Variants in GIMAP4 observed in about 807,000 individuals in gnomAD.
The protein encoded by GIMAP4 is GTPase IMAP family member 4.
Under a neutral mutation model 10.8 loss-of-function variants are expected in GIMAP4, and 12 were observed. The observed-to-expected ratio is 1.11, with a 90% CI of 0.71 to 1.81. The LOEUF (loss-of-function observed/expected upper bound fraction) is 1.81, where lower values mean the gene tolerates loss of function less well. Among genes scored for constraint, GIMAP4 ranks in the 40% most tolerant of loss-of-function variants. GIMAP4 has a pLI of 0.00. For synonymous variants in GIMAP4, 149 were observed against 147.2 expected, an observed-to-expected ratio of 1.01 and a Z score of -0.09; for missense variants, 412 against 404.6, an observed-to-expected ratio of 1.02 and a Z score of -0.16.
chr7:150,569,297 T>G (rs73727328), intron 1 of GIMAP4, among the ~76,000 whole-genome samples: 191 of 152,168 alleles, frequency 1.3e-3, no homozygotes, highest in African/African-American at 4.3e-3. Flanking sequence ...GAGAAATGGG[T>G]AATTTCGAGT....
At position 150,572,467 on chromosome 7, in the gene GIMAP4, G is replaced by T. The variant is rs1319210569; in HGVS notation, c.397G>T (p.Ala133Ser). Residue 133 changes from alanine (A) to serine (S), a missense_variant, in exon 3 of 3, where the codon GCC (alanine) becomes TCC (serine). Physicochemically the swap from Ala to Ser is moderately conservative, Grantham distance 99 (BLOSUM62 1). Transcript: ENST00000255945. Reference protein sequence around the residue: ...LGRYTEEEHKATEKILKMFGE... With the variant: ...LGRYTEEEHKSTEKILKMFGE... ...CCGTTACACTGAGGAAGAGCACAAA[G>T]CCACAGAGAAGATCCTGAAAATGTT... 6.2e-7 allele frequency: 1 copy of T among 1,614,122 alleles called. No homozygotes were observed. Among genetic ancestry groups the T allele is most frequent in the Non-Finnish European group, 8.5e-7 (1 of 1,179,976 alleles).
At chr7:150,567,701 G>T (rs1285494427) in intron 1 of GIMAP4, among the ~76,000 whole-genome samples, 1 of 152,248 alleles carries the variant, frequency 6.6e-6, no homozygotes, top group South Asian at 2.1e-4. Context: ...AATTTATATA[G>T]AAACTTTGAT....
intron 1 of GIMAP4, among the ~76,000 whole-genome samples, chr7:150,568,777 G>A (rs935576811): frequency 6.6e-6 from 1 of 152,148 alleles, no homozygotes; most frequent in Non-Finnish European, 1.5e-5. Context: ...TAGTATAAGA[G>A]GAGACAGTAA....
At chr7:150,570,846 T>G (rs1020623874) in intron 2 of GIMAP4, among the ~76,000 whole-genome samples, 1 of 152,196 alleles carries the variant, frequency 6.6e-6, no homozygotes, top group Non-Finnish European at 1.5e-5. Flanking sequence ...GCATAAGCAC[T>G]TTTGGAGTCT....
At chr7:150,568,351 A>ATTCT (rs3059446) in intron 1 of GIMAP4, among the ~76,000 whole-genome samples, 73,870 of 151,776 alleles carry the variant, frequency 0.49, 20,290 homozygotes, top group African/African-American at 0.76. Context: ...AGAAATAGTC[A>ATTCT]TTCAAAAGAA....
At position 150,573,038 on chromosome 7, in the gene GIMAP4, T is replaced by C. The variant is rs1336418911; in HGVS notation, c.968T>C (p.Leu323Ser). Residue 323 changes from leucine (L) to serine (S), a missense_variant, in exon 3 of 3, where the codon TTA (leucine) becomes TCA (serine). By Grantham distance (145) the Leu-to-Ser change is moderately radical (BLOSUM62 -2). Transcript: ENST00000255945. ...TTACAGATTGCTTCCTTTATTTTGT[T>C]ACGTCTGTTCGCGGAAGATTAAACT... is the stretch of plus-strand genomic sequence containing the variant. ...TALQIASFIL[L>S]RLFAED 6.3e-7 allele frequency: 1 copy of C among 1,599,394 alleles called. No homozygotes were observed. The highest frequency in any genetic ancestry group is 8.5e-7 in the Non-Finnish European group (1 of 1,170,318).
chr7:150,568,400 C>T (rs1374085688), intron 1 of GIMAP4, among the ~76,000 whole-genome samples: 1 of 152,186 alleles, frequency 6.6e-6, no homozygotes, highest in Non-Finnish European at 1.5e-5. Flanking sequence ...TTGTTGGCTT[C>T]CTATGAGGTG....
chr7:150,570,643 T>C (rs989649650), intron 2 of GIMAP4, among the ~76,000 whole-genome samples: 1 of 152,158 alleles, frequency 6.6e-6, no homozygotes, highest in African/African-American at 2.4e-5. Flanking sequence ...CTCATGCATC[T>C]GGGGTAAGCT....
At chr7:150,570,731 G>A (rs1795719042) in intron 2 of GIMAP4, among the ~76,000 whole-genome samples, 1 of 151,332 alleles carries the variant, frequency 6.6e-6, no homozygotes, top group Admixed American at 6.6e-5. Flanking sequence ...CAGACAGCAA[G>A]GGTAATAGAG....
rs763091896 is a variant in GIMAP4, at chr7:150,572,428, G to A, written c.358G>A (p.Val120Met). The A allele has an allele frequency of 3.5e-5, 57 of 1,614,050 alleles. 1 individual carries two copies. In the South Asian group the frequency reaches 6.1e-4, roughly 17 times the overall value. The change falls in exon 3 of 3, where the codon GTG (valine) becomes ATG (methionine). Residue 120 changes from valine (V) to methionine (M), a missense_variant. By Grantham distance (21) the Val-to-Met change is conservative. Transcript: ENST00000255945. ...CCCAGGGCCTCATGCTCTGCTTCTG[G>A]TGGTTCCACTGGGCCGTTACACTGA... ...TSPGPHALLL[V>M]VPLGRYTEEE...
chr7:150,570,966 T>A (rs1212140925), intron 2 of GIMAP4, among the ~76,000 whole-genome samples: 1 of 152,108 alleles, frequency 6.6e-6, no homozygotes, highest in East Asian at 1.9e-4. Flanking sequence ...GAACTGCAAA[T>A]CTACATCCCA....
chr7:150,571,186 G>A (rs761055023), intron 2 of GIMAP4, among the ~76,000 whole-genome samples: 1 of 152,150 alleles, frequency 6.6e-6, no homozygotes, highest in Non-Finnish European at 1.5e-5. Flanking sequence ...GCCTTCTGCT[G>A]TGATGCTAAC....
chr7:150,571,989 ATC>A, intron 2 of GIMAP4, 138 bp from the exon 3 acceptor site: 1 of 620,388 alleles, frequency 1.6e-6, no homozygotes, highest in South Asian at 2.0e-5. Context: ...GCCTACAGGA[ATC>A]TCTGAGTGCA....
Position 150,569,895 on chromosome 7 carries a change from A to G in GIMAP4, c.-7A>G. 2 of 1,510,788 alleles carry G rather than the reference A, an allele frequency of 1.3e-6. No individual in the cohort carries two copies. Among genetic ancestry groups the G allele is most frequent in the East Asian group, 2.3e-5 (1 of 44,444 alleles). The allele number at this position is 1,510,788 out of a possible 1,614,324, so 93.6% of individuals were successfully genotyped here. On this transcript the variant is annotated 5_prime_UTR_variant, in exon 2 of 3. Coordinates refer to ENST00000255945, the MANE Select transcript of GIMAP4 (RefSeq NM_018326.3). ...ATGTTTCTTGATCTACAGGAGTTCA[A>G]GCGACAATGGCAGCCCAATACGGCA...
Position 150,570,948 on chromosome 7 carries a change from G to C in GIMAP4, c.58+989G>C, listed in dbSNP as rs150081142. Among the ~76,000 whole-genome samples, 310 of 152,230 alleles carry C rather than the reference G, an allele frequency of 2.0e-3. 1 individual carries two copies. Among genetic ancestry groups the C allele is most frequent in the African/African-American group, 7.1e-3 (294 of 41,530 alleles). On this transcript the variant is annotated intron_variant, in intron 2 of 2. Coordinates refer to ENST00000255945, the MANE Select transcript of GIMAP4 (RefSeq NM_018326.3). The stretch of plus-strand genomic sequence containing the variant: ...CAGTTGAAGAGACAGATAGCATCTT[G>C]ATGGGAGGAACTGCAAATCTACATC...
rs1474635683 is a variant in GIMAP4 at position 150,573,458 on chromosome 7, T to C, written c.*398T>C. The C allele has an allele frequency of 6.3e-6, 1 of 158,640 alleles. No homozygotes were observed. The highest frequency in any genetic ancestry group is 1.4e-5 in the Non-Finnish European group (1 of 72,298). The allele number at this position is 158,640 out of a possible 1,614,324, so 9.8% of individuals were successfully genotyped here. On this transcript the variant is annotated 3_prime_UTR_variant, in exon 3 of 3. Coordinates refer to ENST00000255945, the MANE Select transcript of GIMAP4 (RefSeq NM_018326.3). ...CTTGCATTCAGAGTCACAATGATCA[T>C]CTTACCCATGTGGTTTTTGAGAAAG... is the stretch of plus-strand genomic sequence containing the variant.
Position 150,569,900 on chromosome 7 carries a change from C to A in GIMAP4, c.-2C>A. 6.5e-7 allele frequency: 1 copy of A among 1,542,796 alleles called. No homozygotes were observed. The highest frequency in any genetic ancestry group is 9.0e-7 in the Non-Finnish European group (1 of 1,115,280). ...TCTTGATCTACAGGAGTTCAAGCGA[C>A]AATGGCAGCCCAATACGGCAGTATG... On this transcript the variant is annotated 5_prime_UTR_variant, in exon 2 of 3. Transcript: ENST00000255945.
intron 2 of GIMAP4, 39 bp downstream of exon 2, chr7:150,569,998 G>C: frequency 6.8e-7 from 1 of 1,460,182 alleles, no homozygotes; most frequent in Non-Finnish European, 9.6e-7. Context: ...CAGGCTGCAG[G>C]GAGGTTAGCA....
chr7:150,570,230 C>T (rs1018112168), intron 2 of GIMAP4, among the ~76,000 whole-genome samples: 2 of 152,156 alleles, frequency 1.3e-5, no homozygotes, highest in African/African-American at 4.8e-5. Context: ...ACCCAGGGCT[C>T]GGCACAGTTT....
Sources: gnomAD v4.1 joint callset for allele counts (sites outside exome capture counted in the v4.1 genomes callset) on GRCh38, gnomAD v4.1.1 for gene constraint, MANE v1.5 for transcripts, NCBI Gene and HGNC (gene_info 2026-07-23, HGNC 2026-07-21) for gene names.